Variants in KIRREL3 observed in about 807,000 individuals in gnomAD.
KIRREL3 encodes the protein kin of IRRE-like protein 3.
Under a neutral mutation model 89.7 loss-of-function variants are expected in KIRREL3, and 36 were observed. That is an observed-to-expected ratio of 0.40 (90% CI 0.31 to 0.53). KIRREL3 has a LOEUF of 0.53. Among genes scored for constraint, KIRREL3 ranks in the 20% least tolerant of loss-of-function variants. The pLI is 0.49. For missense variants in KIRREL3, 864 were observed against 1,056.6 expected (o/e 0.82, Z 2.53); for synonymous variants, 445 against 441.4 (o/e 1.01, Z -0.10).
At position 126,565,758 on chromosome 11, in the gene KIRREL3, G is replaced by A. The variant is rs554947489; in HGVS notation, c.56-2846C>T. Among the ~76,000 whole-genome samples, 1 of 152,256 alleles carries A rather than the reference G, an allele frequency of 6.6e-6. No individual in the cohort carries two copies. Among genetic ancestry groups the A allele is most frequent in the South Asian group, 2.1e-4 (1 of 4,816 alleles). ...GTGTGCCAGCAGGGAGTGAAGTGGG[G>A]GAAGGGAGGGGATGCTGGAAACCCA... On this transcript the variant is annotated intron_variant, in intron 1 of 16. Transcript: ENST00000525144. This position sits in a 1 kb window ranked among gnomAD's most constrained non-coding sequence, Gnocchi z 5.4.
chr11:126,950,828 TGAA>T (rs906864576), intron 1 of KIRREL3, among the ~76,000 whole-genome samples: 2 of 152,176 alleles, frequency 1.3e-5, no homozygotes, highest in African/African-American at 4.8e-5. Context: ...AGAAAACTGA[TGAA>T]GAAGATTAGA....
At chr11:126,834,062 T>G (rs1943697984) in intron 1 of KIRREL3, among the ~76,000 whole-genome samples, 1 of 152,236 alleles carries the variant, frequency 6.6e-6, no homozygotes, top group African/African-American at 2.4e-5. Context: ...CATTTAAGAT[T>G]CTTTTTCTAC....
chr11:126,657,278 A>AATCAATC (rs1555170336), intron 1 of KIRREL3, among the ~76,000 whole-genome samples: 11 of 151,942 alleles, frequency 7.2e-5, no homozygotes, highest in South Asian at 2.1e-4. Context: ...ATAAATAAAT[A>AATCAATC]AATCTTCATG....
At chr11:126,725,798 G>T (rs964856743) in intron 1 of KIRREL3, among the ~76,000 whole-genome samples, 1 of 152,202 alleles carries the variant, frequency 6.6e-6, no homozygotes, top group Admixed American at 6.5e-5. Context: ...GAGAGCATGG[G>T]GGGAGGCATC....
In KIRREL3 at chr11:126,955,962, G is replaced by T. The variant is rs113514855; in HGVS notation, c.55+44493C>A. On this transcript the variant is annotated intron_variant, in intron 1 of 16. Transcript: ENST00000525144. The surrounding 1 kb of genome is among the most constrained non-coding windows in gnomAD (Gnocchi z 4.6). Reference sequence around the variant, plus strand: ...CACAACAAAATGCAAAATGTTAAACGTTCTATGAAAAAAGGGACAGGGAAC... The same window carrying T: ...CACAACAAAATGCAAAATGTTAAACTTTCTATGAAAAAAGGGACAGGGAAC... Among the ~76,000 whole-genome samples, 986 of 152,244 alleles carry T rather than the reference G, an allele frequency of 6.5e-3. 7 individuals carry two copies. Among genetic ancestry groups the T allele is most frequent in the African/African-American group, 0.022 (921 of 41,540 alleles).
chr11:126,569,909 G>A lies in KIRREL3; in HGVS notation c.56-6997C>T, dbSNP rs770117517. ...AATGATGGGGTCTTCTGTTTGGAAA[G>A]TTTTCACTTTGATTCTGCTAAACTG... On this transcript the variant is annotated intron_variant, in intron 1 of 16. Transcript: ENST00000525144. This position sits in a 1 kb window ranked among gnomAD's most constrained non-coding sequence, Gnocchi z 6.5. Among the ~76,000 whole-genome samples the A allele has an allele frequency of 9.9e-5, 15 of 152,212 alleles. No homozygotes were observed. The highest frequency in any genetic ancestry group is 1.9e-4 in the Non-Finnish European group (13 of 68,024).
chr11:126,898,557 T>C lies in KIRREL3; in HGVS notation c.55+101898A>G, dbSNP rs1408880671. 6.6e-6 allele frequency among the ~76,000 whole-genome samples: 1 copy of C among 152,200 alleles called. No individual in the cohort carries two copies. The highest frequency in any genetic ancestry group is 1.5e-5 in the Non-Finnish European group (1 of 68,036). ...GATACCTAACAATACGAACAATTCC[T>C]AAAAGCAGCGTTAGTTGAAAGCAGA... On this transcript the variant is annotated intron_variant, in intron 1 of 16. Transcript: ENST00000525144. The surrounding 1 kb of genome is among the most constrained non-coding windows in gnomAD (Gnocchi z 4.9).
chr11:126,879,894 A>ACCC lies in KIRREL3; in HGVS notation c.55+120560_55+120561insGGG, dbSNP rs1483660445. ...CCTGCTTTTGTGCTCCCATTTCAGA[A>ACCC]CAGACCATTCCCCCACCACCCCGCC... On this transcript the variant is annotated intron_variant, in intron 1 of 16. Coordinates refer to ENST00000525144, the MANE Select transcript of KIRREL3 (RefSeq NM_032531.4). The surrounding 1 kb of genome is among the most constrained non-coding windows in gnomAD (Gnocchi z 5.4). Among the ~76,000 whole-genome samples, 1 of 152,180 alleles carries ACCC rather than the reference A, an allele frequency of 6.6e-6. No individual in the cohort carries two copies. Among genetic ancestry groups the ACCC allele is most frequent in the Non-Finnish European group, 1.5e-5 (1 of 68,044 alleles).
rs1304491199 is a variant in KIRREL3, at chr11:126,999,483, T to A, written c.55+972A>T. 1.3e-5 allele frequency among the ~76,000 whole-genome samples: 2 copies of A among 152,212 alleles called. No individual in the cohort carries two copies. Among genetic ancestry groups the A allele is most frequent in the Non-Finnish European group, 2.9e-5 (2 of 68,042 alleles). Reference sequence around the variant, plus strand: ...ATCAACAGATGGACGTGCTCTGTTGTGGATTTTTTCTGAGTCTTGCACCTC... The same window carrying A: ...ATCAACAGATGGACGTGCTCTGTTGAGGATTTTTTCTGAGTCTTGCACCTC... On this transcript the variant is annotated intron_variant, in intron 1 of 16. Transcript: ENST00000525144. This position sits in a 1 kb window ranked among gnomAD's most constrained non-coding sequence, Gnocchi z 5.7.
At chr11:126,439,234 G>A (rs1206550763) in intron 11 of KIRREL3, among the ~76,000 whole-genome samples, 1 of 151,998 alleles carries the variant, frequency 6.6e-6, no homozygotes, top group Non-Finnish European at 1.5e-5. Context: ...GGAAGGTTGA[G>A]GCAGGAGAAT....
At chr11:126,832,252 G>A (rs186128606) in intron 1 of KIRREL3, among the ~76,000 whole-genome samples, 1 of 152,164 alleles carries the variant, frequency 6.6e-6, no homozygotes, top group East Asian at 1.9e-4. Context: ...CTCAGTGCTG[G>A]GTTAAACGTG....
chr11:126,466,920 C>T (rs749591106), intron 5 of KIRREL3, among the ~76,000 whole-genome samples: 96 of 152,342 alleles, frequency 6.3e-4, no homozygotes, highest in Middle Eastern at 6.8e-3. Flanking sequence ...CAAGGCCTCC[C>T]TCCAGTGTGG....
chr11:126,786,563 AAT>A (rs1441321274), intron 1 of KIRREL3, among the ~76,000 whole-genome samples: 7 of 152,246 alleles, frequency 4.6e-5, no homozygotes, highest in African/African-American at 1.7e-4. Context: ...GCCTGGAAAA[AAT>A]AGTGTAATGG....
rs868492904 is a variant in KIRREL3 at position 126,474,788 on chromosome 11, C to T, written c.434-1322G>A. Among the ~76,000 whole-genome samples the T allele has an allele frequency of 2.2e-4, 34 of 152,312 alleles. No homozygotes were observed. Among genetic ancestry groups the T allele is most frequent in the Middle Eastern group, 3.4e-3 (1 of 294 alleles). On this transcript the variant is annotated intron_variant, in intron 4 of 16. Transcript: ENST00000525144. This position sits in a 1 kb window ranked among gnomAD's most constrained non-coding sequence, Gnocchi z 6.7. ...CCCCACTGGGGTCACCCTTTGATTC[C>T]GATGAGGACCATGGGCTGAAGGATG... is the stretch of plus-strand genomic sequence containing the variant.
At chr11:126,712,402 C>T (rs1266278084) in intron 1 of KIRREL3, among the ~76,000 whole-genome samples, 2 of 152,212 alleles carry the variant, frequency 1.3e-5, no homozygotes, top group Non-Finnish European at 2.9e-5. Flanking sequence ...GAGCCCTCTG[C>T]CCCGTTGGTG....
Position 126,812,622 on chromosome 11 carries a change from C to T in KIRREL3, c.55+187833G>A, listed in dbSNP as rs966867457. 2.6e-5 allele frequency among the ~76,000 whole-genome samples: 4 copies of T among 152,288 alleles called. No individual in the cohort carries two copies. The South Asian group carries it at 8.3e-4, about 32-fold the overall frequency. ...CAAGCTGTAGATTTCAGATGCAAGGCAATGGTTAGTAACTAGATTTTCTTA... is the reference window on the plus strand; with the variant it reads ...CAAGCTGTAGATTTCAGATGCAAGGTAATGGTTAGTAACTAGATTTTCTTA... On this transcript the variant is annotated intron_variant, in intron 1 of 16. Transcript: ENST00000525144. The surrounding 1 kb of genome is among the most constrained non-coding windows in gnomAD (Gnocchi z 5.2).
chr11:126,832,987 C>T (rs1943660510), intron 1 of KIRREL3, among the ~76,000 whole-genome samples: 1 of 152,168 alleles, frequency 6.6e-6, no homozygotes, highest in African/African-American at 2.4e-5. Flanking sequence ...GAGAATTCCG[C>T]GTTTCAGGCT....
rs1161580181 is a variant in KIRREL3 at position 126,528,671 on chromosome 11, G to C, written c.134-1984C>G. On this transcript the variant is annotated intron_variant, in intron 2 of 16. Coordinates refer to ENST00000525144, the MANE Select transcript of KIRREL3 (RefSeq NM_032531.4). The surrounding 1 kb of genome is among the most constrained non-coding windows in gnomAD (Gnocchi z 4.6). ...TCCTCTCTGTCTCTTCAAGTTCTCT[G>C]TTGTAATTAGACTGTTTCTGGCACC... 6.6e-6 allele frequency among the ~76,000 whole-genome samples: 1 copy of C among 151,612 alleles called. No individual in the cohort carries two copies. The highest frequency in any genetic ancestry group is 2.1e-4 in the South Asian group (1 of 4,802).
chr11:126,447,608 G>C (rs1955869513), intron 8 of KIRREL3, among the ~76,000 whole-genome samples: 1 of 152,130 alleles, frequency 6.6e-6, no homozygotes, highest in South Asian at 2.1e-4. Flanking sequence ...CTGAATGCAG[G>C]CTCCTCTCCA....
Sources: allele counts gnomAD v4.1 joint callset (sites outside exome capture counted in the v4.1 genomes callset), GRCh38; gene constraint gnomAD v4.1.1; non-coding constraint Gnocchi (gnomAD v3.1); transcripts MANE v1.5; gene names NCBI Gene and HGNC (gene_info 2026-07-23, HGNC 2026-07-21).